The following EMC10 variants were observed in gnomAD, a reference collection of about 807,000 sequenced individuals.
EMC10 encodes ER membrane protein complex subunit 10, also known as UPF0510 protein INM02.
EMC10 carries 40 observed loss-of-function variants against 32.2 expected under a neutral mutation model. The observed-to-expected ratio is 1.24, with a 90% CI of 0.96 to 1.61. EMC10 has a LOEUF of 1.61. EMC10 is among the 40% of genes most tolerant of loss of function. The pLI is 0.00. For synonymous variants in EMC10, 178 were observed against 158.4 expected (o/e 1.12, Z -0.93); for missense variants, 402 against 357.7 (o/e 1.12, Z -1.00).
Position 50,483,344 on chromosome 19 carries a change from G to T in EMC10, c.*1085G>T. 3.1e-6 allele frequency: 1 copy of T among 327,758 alleles called. No individual in the cohort carries two copies. The highest frequency in any genetic ancestry group is 2.4e-5 in the South Asian group (1 of 40,982). 20.3% of individuals were successfully genotyped at this position (327,758 alleles called of 1,614,324 possible). Reference sequence around the variant, plus strand: ...AGTTTATTAAACTGTCCCCCAGATCGACACGCAGCTAGCCTCCTGCATTGT... The same window carrying T: ...AGTTTATTAAACTGTCCCCCAGATCTACACGCAGCTAGCCTCCTGCATTGT... On this transcript the variant is annotated 3_prime_UTR_variant, in exon 7 of 7. Coordinates refer to ENST00000334976, the MANE Select transcript of EMC10 (RefSeq NM_206538.4).
At position 50,480,078 on chromosome 19, in the gene EMC10, C is replaced by T. The variant is rs2040292314; in HGVS notation, c.298-33C>T. On this transcript the variant is annotated intron_variant, in intron 3 of 6. Transcript: ENST00000334976. This position sits in a 1 kb window ranked among gnomAD's most constrained non-coding sequence, Gnocchi z 4.4. ...CAGCCTGTCCAGGGCTGACACCATC[C>T]TTCTGACCAGCACCCTCTTCTCCCA... 1 of 1,552,742 alleles carries T rather than the reference C, an allele frequency of 6.4e-7. No homozygotes were observed. Among genetic ancestry groups the T allele is most frequent in the African/African-American group, 1.3e-5 (1 of 74,144 alleles).
At chr19:50,481,207 T>C in intron 6 of EMC10, 1 of 488,634 alleles carries the variant, frequency 2.0e-6, no homozygotes, top group Non-Finnish European at 3.6e-6. Flanking sequence ...CTGGGGGAGG[T>C]CTCGGCCTGA....
rs980267718 is a variant in EMC10 at position 50,476,511 on chromosome 19, A to G, written c.-34A>G. 6.4e-7 allele frequency: 1 copy of G among 1,570,334 alleles called. No homozygotes were observed. Among genetic ancestry groups the G allele is most frequent in the African/African-American group, 1.4e-5 (1 of 73,710 alleles). ...CGGCGTGCTCCGCGGCTCTTGGCTC[A>G]CAGCCGTCCCTTCGCTGGTGGGAAG... On this transcript the variant is annotated 5_prime_UTR_variant, in exon 1 of 7. Coordinates refer to ENST00000334976, the MANE Select transcript of EMC10 (RefSeq NM_206538.4).
Position 50,477,987 on chromosome 19 carries a change from A to C in EMC10, c.173A>C (p.His58Pro). The change falls in exon 2 of 7, where the codon CAC becomes CCC. Residue 58 changes from histidine (H) to proline (P), a missense_variant. Coordinates refer to ENST00000334976, the MANE Select transcript of EMC10 (RefSeq NM_206538.4). ...ACGTVGLLLE[H>P]SFEIDDSANF... The stretch of plus-strand genomic sequence containing the variant: ...GGCACGGTGGGGCTGCTGCTGGAGC[A>C]CTCATTTGAGATCGGTGAGTCAGGC... The C allele has an allele frequency of 6.2e-7, 1 of 1,603,748 alleles. No individual in the cohort carries two copies. The highest frequency in any genetic ancestry group is 8.5e-7 in the Non-Finnish European group (1 of 1,176,746).
Position 50,480,257 on chromosome 19 carries a change from C to G in EMC10, c.402+42C>G. On this transcript the variant is annotated intron_variant, in intron 4 of 6. Coordinates refer to ENST00000334976, the MANE Select transcript of EMC10 (RefSeq NM_206538.4). This position sits in a 1 kb window ranked among gnomAD's most constrained non-coding sequence, Gnocchi z 4.4. ...GATGAGCCCCCTTCTCCCTCGTCCTCCTCATCCCCTACCCTGGTCCTGCTT... is the reference window on the plus strand; with the variant it reads ...GATGAGCCCCCTTCTCCCTCGTCCTGCTCATCCCCTACCCTGGTCCTGCTT... 1 of 1,551,010 alleles carries G rather than the reference C, an allele frequency of 6.4e-7. No individual in the cohort carries two copies. The highest frequency in any genetic ancestry group is 8.8e-7 in the Non-Finnish European group (1 of 1,131,154).
chr19:50,481,614 A>G, intron 6 of EMC10: 1 of 529,858 alleles, frequency 1.9e-6, no homozygotes, highest in Non-Finnish European at 3.3e-6. Context: ...GTGTGGCCCG[A>G]GGCAGGCTAG....
rs574613236 is a variant in EMC10, at chr19:50,481,188, C to T, written c.678+211C>T. Reference sequence around the variant, plus strand: ...AGGGGAGGTCGGGCCAGCTCTAGGGCGCAGGGTCCTGGGGGAGGTCTCGGC... The same window carrying T: ...AGGGGAGGTCGGGCCAGCTCTAGGGTGCAGGGTCCTGGGGGAGGTCTCGGC... On this transcript the variant is annotated intron_variant, in intron 6 of 6. Coordinates refer to ENST00000334976, the MANE Select transcript of EMC10 (RefSeq NM_206538.4). 120 of 528,370 alleles carry T rather than the reference C, an allele frequency of 2.3e-4. 1 individual carries two copies. The South Asian group carries it at 2.4e-3, about 11-fold the overall frequency. 32.7% of individuals were successfully genotyped at this position (528,370 alleles called of 1,614,324 possible).
Position 50,477,944 on chromosome 19 carries a change from C to G in EMC10, c.130C>G (p.Arg44Gly). ...TGARGAGAEG[R>G]EGEACGTVGL... Reference sequence around the variant, plus strand: ...TCCTCTGCAGGCTGGGGCGGAAGGTCGAGAGGGCGAGGCCTGTGGCACGGT... The same window carrying G: ...TCCTCTGCAGGCTGGGGCGGAAGGTGGAGAGGGCGAGGCCTGTGGCACGGT... The change falls in exon 2 of 7, where the codon CGA (arginine) becomes GGA (glycine). Residue 44 changes from arginine to glycine, a missense_variant. Coordinates refer to ENST00000334976, the MANE Select transcript of EMC10 (RefSeq NM_206538.4). 4 of 1,597,738 alleles carry G rather than the reference C, an allele frequency of 2.5e-6. No individual in the cohort carries two copies. The highest frequency in any genetic ancestry group is 3.4e-6 in the Non-Finnish European group (4 of 1,175,046).
At chr19:50,479,591 C>T (rs2040285257) in intron 3 of EMC10, among the ~76,000 whole-genome samples, 1 of 152,212 alleles carries the variant, frequency 6.6e-6, no homozygotes, top group Non-Finnish European at 1.5e-5. Flanking sequence ...TTAGAGAAAG[C>T]TTGCAAAAGC....
At chr19:50,478,100 C>G in intron 2 of EMC10, 99 bp downstream of exon 2, 1 of 969,362 alleles carries the variant, frequency 1.0e-6, no homozygotes, top group Non-Finnish European at 1.5e-6. Flanking sequence ...CATTTACTAA[C>G]AACCATTTAC....
chr19:50,481,913 C>T (rs144996610), intron 6 of EMC10: 22,207 of 1,603,094 alleles, frequency 0.014, 188 homozygotes, highest in Non-Finnish European at 0.017. Context: ...CGTCCTGCTG[C>T]GCCAGGGCCC....
chr19:50,479,450 C>A (rs753225186), intron 3 of EMC10, among the ~76,000 whole-genome samples: 10 of 152,326 alleles, frequency 6.6e-5, no homozygotes, highest in African/African-American at 1.9e-4. Context: ...CAGGAGCTCA[C>A]TTCTGTCGCC....
rs1978508006 is a variant in EMC10 at position 50,489,033 on chromosome 19, GAA to G, written c.*6775_*6776del. 6.8e-6 allele frequency: 1 copy of G among 147,478 alleles called. No homozygotes were observed. 9.1% of individuals were successfully genotyped at this position (147,478 alleles called of 1,614,324 possible). On this transcript the variant is annotated 3_prime_UTR_variant, in exon 7 of 7. Transcript: ENST00000334976. ...GGAGGGGGAGAGAGAAAGAGGGAGG[GAA>G]GGAGGGTAGGAGAGGGCTGGAGATA...
rs919278820 is a variant in EMC10 at position 50,484,104 on chromosome 19, T to C, written c.*1845T>C. 1 of 135,506 alleles carries C rather than the reference T, an allele frequency of 7.4e-6. No individual in the cohort carries two copies. Among genetic ancestry groups the C allele is most frequent in the Non-Finnish European group, 1.5e-5 (1 of 65,194 alleles). 8.4% of individuals were successfully genotyped at this position (135,506 alleles called of 1,614,324 possible). A position where few individuals can be genotyped will look rare whatever the true frequency, so the allele number is the denominator to read the frequency against. On this transcript the variant is annotated 3_prime_UTR_variant, in exon 7 of 7. Coordinates refer to ENST00000334976, the MANE Select transcript of EMC10 (RefSeq NM_206538.4). ...GTACAATGGCACGATCTCAGCTCAC[T>C]GCAACCTCCGCTTCCTGAGTTTAAG...
In EMC10 at chr19:50,482,889, A is replaced by C; in HGVS notation, c.*630A>C. The C allele has an allele frequency of 1.8e-6, 1 of 547,394 alleles. No individual in the cohort carries two copies. The highest frequency in any genetic ancestry group is 3.2e-6 in the Non-Finnish European group (1 of 310,800). The allele number at this position is 547,394 out of a possible 1,614,324, so 33.9% of individuals were successfully genotyped here. A position where few individuals can be genotyped will look rare whatever the true frequency, so the allele number is the denominator to read the frequency against. On this transcript the variant is annotated 3_prime_UTR_variant, in exon 7 of 7. Coordinates refer to ENST00000334976, the MANE Select transcript of EMC10 (RefSeq NM_206538.4). ...TGACATTTGTCTGCCTGGTGCAAAC[A>C]AGGAATCCTTGCCTTTAAGGTGACA...
At position 50,479,052 on chromosome 19, in the gene EMC10, C is replaced by G; in HGVS notation, c.283C>G (p.Arg95Gly). 2 of 1,605,992 alleles carry G rather than the reference C, an allele frequency of 1.2e-6. No homozygotes were observed. Among genetic ancestry groups the G allele is most frequent in the Non-Finnish European group, 1.7e-6 (2 of 1,177,332 alleles). Residue 95 changes from arginine to glycine, a missense_variant, in exon 3 of 7, where the codon CGG (arginine) becomes GGG (glycine). Transcript: ENST00000334976. ...LSQRQLSEEE[R>G]GRLRDVAALN... ...ACAGCGGCAGCTCAGCGAGGAGGAG[C>G]GGGGCCGACTCCGGGTGAGGTGGGG... is the stretch of plus-strand genomic sequence containing the variant.
At chr19:50,479,174 G>C in intron 3 of EMC10, 108 bp downstream of exon 3, 1 of 829,876 alleles carries the variant, frequency 1.2e-6, no homozygotes, top group Non-Finnish European at 1.9e-6. Context: ...AGGCCCAGGT[G>C]GGCTCCCAGC....
Position 50,488,377 on chromosome 19 carries a change from A to AG in EMC10, c.*6123dup, listed in dbSNP as rs1181809689. On this transcript the variant is annotated 3_prime_UTR_variant, in exon 7 of 7. Transcript: ENST00000334976. ...AGAGGGAGAAAGAAGGAAACAGTGTAGGGGGTCAGAAGTGGAAAGAGAAGA... is the reference window on the plus strand; with the variant it reads ...AGAGGGAGAAAGAAGGAAACAGTGTAGGGGGGTCAGAAGTGGAAAGAGAAGA... 5 of 146,604 alleles carry AG rather than the reference A, an allele frequency of 3.4e-5. No homozygotes were observed. The Admixed American group carries it at 3.4e-4, about 10-fold the overall frequency. 9.1% of individuals were successfully genotyped at this position (146,604 alleles called of 1,614,324 possible).
rs1206699068 is a variant in EMC10 at position 50,480,418 on chromosome 19, G to T, written c.403-163G>T. 6.6e-6 allele frequency among the ~76,000 whole-genome samples: 1 copy of T among 152,144 alleles called. No homozygotes were observed. The highest frequency in any genetic ancestry group is 1.9e-4 in the East Asian group (1 of 5,174). ...GCTTTCATGGGGATAGCATTGTGAG[G>T]ACTCCCGGGTGGGGGGCGGTTGAAC... On this transcript the variant is annotated intron_variant, in intron 4 of 6. Coordinates refer to ENST00000334976, the MANE Select transcript of EMC10 (RefSeq NM_206538.4). The surrounding 1 kb of genome is among the most constrained non-coding windows in gnomAD (Gnocchi z 4.4).
Sources: gnomAD v4.1 joint callset for allele counts (sites outside exome capture counted in the v4.1 genomes callset) on GRCh38, gnomAD v4.1.1 for gene constraint, Gnocchi (gnomAD v3.1) non-coding constraint, MANE v1.5 for transcripts, NCBI Gene and HGNC (gene_info 2026-07-23, HGNC 2026-07-21) for gene names.